Variants in OGDH observed in about 807,000 individuals in gnomAD.
OGDH encodes the protein 2-oxoglutarate dehydrogenase complex component E1.
In OGDH, 38 loss-of-function variants were observed where a neutral mutation model predicts 116.6. The observed-to-expected ratio is 0.33, with a 90% CI of 0.25 to 0.43. The LOEUF (loss-of-function observed/expected upper bound fraction) is 0.43, where lower values mean the gene tolerates loss of function less well. OGDH is among the 20% of genes least tolerant of loss of function. The pLI is 1.00. For missense variants in OGDH, 825 were observed against 1,357.2 expected (o/e 0.61, Z 6.16); for synonymous variants, 488 against 533.3 (o/e 0.92, Z 1.17).
intron 5 of OGDH, among the ~76,000 whole-genome samples, chr7:44,669,124 C>A (rs1371248300): frequency 6.8e-6 from 1 of 147,778 alleles, no homozygotes; most frequent in Non-Finnish European, 1.5e-5. Flanking sequence ...TCAGAGGAGT[C>A]CCCTGTGGGG....
At position 44,701,570 on chromosome 7, in the gene OGDH, T is replaced by G. The variant is rs1296301036; in HGVS notation, c.2587T>G (p.Leu863Val). Residue 863 changes from leucine to valine, a missense_variant, in exon 20 of 23, where the codon TTG becomes GTG. Leu to Val is a conservative substitution (Grantham distance 32). Coordinates refer to ENST00000222673, the MANE Select transcript of OGDH (RefSeq NM_002541.4). ...AATTATCTTCACCCCCAAATCCCTG[T>G]TGCGCCACCCCGAGGCCAGATCCAG... ...PLIIFTPKSL[L>V]RHPEARSSFD... 1 of 1,614,190 alleles carries G rather than the reference T, an allele frequency of 6.2e-7. No homozygotes were observed. Among genetic ancestry groups the G allele is most frequent in the Admixed American group, 1.7e-5 (1 of 60,008 alleles).
Position 44,707,399 on chromosome 7 carries a change from G to A in OGDH, c.2796+11G>A, listed in dbSNP as rs753444454. The A allele has an allele frequency of 1.9e-6, 3 of 1,613,952 alleles. No individual in the cohort carries two copies. The East Asian group carries it at 6.7e-5, about 36-fold the overall frequency. The stretch of plus-strand genomic sequence containing the variant: ...ACAAGGATTGAGCAGGTGAGGGCAG[G>A]TGGTGCCATCAGGGTGTCCCCCCAG... On this transcript the variant is annotated intron_variant, in intron 21 of 22. Coordinates refer to ENST00000222673, the MANE Select transcript of OGDH (RefSeq NM_002541.4). The surrounding 1 kb of genome is among the most constrained non-coding windows in gnomAD (Gnocchi z 5.2).
intron 4 of OGDH, among the ~76,000 whole-genome samples, chr7:44,656,527 A>T (rs2115925877): frequency 6.6e-6 from 1 of 152,262 alleles, no homozygotes; most frequent in East Asian, 1.9e-4. Context: ...TCCTTTAATT[A>T]TTAACCAATA....
At chr7:44,698,158 G>T in intron 17 of OGDH, 34 bp from the exon 18 acceptor site, 1 of 1,611,340 alleles carries the variant, frequency 6.2e-7, no homozygotes, top group Non-Finnish European at 8.5e-7. Context: ...GTACGCAAGA[G>T]CTCTTAAACT....
chr7:44,617,942 G>T (rs560117225), intron 1 of OGDH, among the ~76,000 whole-genome samples: 9 of 152,134 alleles, frequency 5.9e-5, no homozygotes, highest in Admixed American at 1.3e-4. Flanking sequence ...CTCATTCTTT[G>T]TGCCCTGGGA....
chr7:44,697,093 T>A lies in OGDH; in HGVS notation c.2051+29T>A, dbSNP rs773356387. The A allele has an allele frequency of 6.2e-7, 1 of 1,601,214 alleles. No homozygotes were observed. Among genetic ancestry groups the A allele is most frequent in the East Asian group, 2.2e-5 (1 of 44,466 alleles). On this transcript the variant is annotated intron_variant, in intron 15 of 22. Coordinates refer to ENST00000222673, the MANE Select transcript of OGDH (RefSeq NM_002541.4). This position sits in a 1 kb window ranked among gnomAD's most constrained non-coding sequence, Gnocchi z 6.0. ...ACGTTCTGGGCAGTTTTGTTTGCCC[T>A]CCAAAGAGTAGAAGATGGAAAGGGA... is the stretch of plus-strand genomic sequence containing the variant.
chr7:44,686,925 G>A (rs930314051), intron 10 of OGDH, among the ~76,000 whole-genome samples: 47 of 151,212 alleles, frequency 3.1e-4, no homozygotes, highest in African/African-American at 1.1e-3. Flanking sequence ...GACCTCAGGT[G>A]ATCCACCCGC....
At position 44,674,342 on chromosome 7, in the gene OGDH, G is replaced by A. The variant is rs892827280; in HGVS notation, c.789-69G>A. The A allele has an allele frequency of 7.0e-5, 112 of 1,596,076 alleles. No individual in the cohort carries two copies. In the East Asian group the frequency reaches 2.4e-3, roughly 35 times the overall value. ...TTACAGGTGTGAGCCTCCATGCCTGGCCAGAATCCCCTCTTTTTGGTCAGG... is the reference window on the plus strand; with the variant it reads ...TTACAGGTGTGAGCCTCCATGCCTGACCAGAATCCCCTCTTTTTGGTCAGG... On this transcript the variant is annotated intron_variant, in intron 6 of 22. Coordinates refer to ENST00000222673, the MANE Select transcript of OGDH (RefSeq NM_002541.4).
At chr7:44,700,510 C>CG (rs1227619729) in intron 19 of OGDH, among the ~76,000 whole-genome samples, 2 of 152,170 alleles carry the variant, frequency 1.3e-5, no homozygotes, top group African/African-American at 4.8e-5. Context: ...GCACCACATG[C>CG]GGAGCAATCA....
At chr7:44,691,981 T>TAAAAAAAAAAAAAAAAA (rs371665967) in intron 10 of OGDH, among the ~76,000 whole-genome samples, 1 of 102,608 alleles carries the variant, frequency 9.7e-6, no homozygotes, top group African/African-American at 4.4e-5. Context: ...GACTCTGTCT[T>TAAAAAAAAAAAAAAAAA]AAAAAAAAAA....
At chr7:44,654,797 C>T (rs902410991) in intron 4 of OGDH, among the ~76,000 whole-genome samples, 2 of 152,166 alleles carry the variant, frequency 1.3e-5, no homozygotes, top group African/African-American at 4.8e-5. Context: ...TAGTTCCCAG[C>T]GTCACATTCC....
intron 3 of OGDH, among the ~76,000 whole-genome samples, chr7:44,645,779 C>G (rs1490002320): frequency 1.3e-5 from 2 of 152,130 alleles, no homozygotes; most frequent in Non-Finnish European, 2.9e-5. Flanking sequence ...CCTTCCTTGG[C>G]AAGAAATATT....
intron 19 of OGDH, among the ~76,000 whole-genome samples, chr7:44,700,813 C>G (rs1211564158): frequency 6.6e-6 from 1 of 152,116 alleles, no homozygotes; most frequent in Admixed American, 6.5e-5. Flanking sequence ...GAGATGGAGA[C>G]CATCCTGGCT....
intron 4 of OGDH, among the ~76,000 whole-genome samples, chr7:44,649,202 A>G (rs1218065253): frequency 2.7e-5 from 4 of 147,748 alleles, no homozygotes; most frequent in Non-Finnish European, 4.5e-5. Flanking sequence ...CTCCCTCTGC[A>G]TTTAGGCAGG....
chr7:44,690,399 C>T (rs1346106456), intron 10 of OGDH, among the ~76,000 whole-genome samples: 1 of 152,092 alleles, frequency 6.6e-6, no homozygotes, highest in Non-Finnish European at 1.5e-5. Context: ...TTCCTCTTAG[C>T]GAGATTTTCC....
intron 1 of OGDH, among the ~76,000 whole-genome samples, chr7:44,620,346 A>G (rs188751908): frequency 2.0e-5 from 3 of 152,318 alleles, no homozygotes; most frequent in Admixed American, 2.0e-4. Flanking sequence ...ATGAAATCCA[A>G]TTTGTGGTTT....
At chr7:44,636,405 G>A (rs538463511) in intron 2 of OGDH, among the ~76,000 whole-genome samples, 44 of 152,228 alleles carry the variant, frequency 2.9e-4, no homozygotes, top group Non-Finnish European at 4.6e-4. Context: ...GCCTGTAGCT[G>A]CCGATATGTG....
rs778396844 is a variant in OGDH, at chr7:44,673,790, G to A, written c.637G>A (p.Ala213Thr). Residue 213 changes from alanine to threonine, a missense_variant, in exon 6 of 23, where the codon GCC becomes ACC. By Grantham distance (58) the Ala-to-Thr change is moderately conservative. This residue lies in a region of OGDH where 171 missense variants were observed against 276.8 expected (regional missense o/e 0.62). Coordinates refer to ENST00000222673, the MANE Select transcript of OGDH (RefSeq NM_002541.4). ...TGTGTGTTTCTGTATGGAATAGATG[G>A]CCTACTGCCAGCATATTGGGGTGGA... ...LREIIRRLEM[A>T]YCQHIGVEFM... 1.2e-6 allele frequency: 2 copies of A among 1,614,184 alleles called. No homozygotes were observed. The highest frequency in any genetic ancestry group is 1.7e-6 in the Non-Finnish European group (2 of 1,180,008).
At chr7:44,679,034 A>G (rs751545294) in intron 9 of OGDH, among the ~76,000 whole-genome samples, 62 of 152,196 alleles carry the variant, frequency 4.1e-4, no homozygotes, top group Non-Finnish European at 7.5e-4. Context: ...CGCTCCTGCC[A>G]GAGGTATGGC....
Sources: allele counts gnomAD v4.1 joint callset (sites outside exome capture counted in the v4.1 genomes callset), GRCh38; gene constraint gnomAD v4.1.1; regional missense constraint gnomAD v4.1.1; non-coding constraint Gnocchi (gnomAD v3.1); transcripts MANE v1.5; gene names NCBI Gene and HGNC (gene_info 2026-07-23, HGNC 2026-07-21).